The following PADI1 variants were observed in gnomAD, a reference collection of about 807,000 sequenced individuals.
The protein encoded by PADI1 is peptidyl arginine deiminase 1, also known as protein-arginine deiminase type-1.
In PADI1, 65 loss-of-function variants were observed where a neutral mutation model predicts 74.8. The ratio of observed to expected loss-of-function variants is 0.87; its 90% CI spans 0.71 to 1.07. PADI1 has a LOEUF of 1.07. Among genes scored for constraint, PADI1 ranks in the 50% least tolerant of loss-of-function variants. The pLI is 0.00. For synonymous variants in PADI1, 371 were observed against 336.2 expected, an observed-to-expected ratio of 1.10 and a Z score of -1.13; for missense variants, 943 against 854.0, an observed-to-expected ratio of 1.10 and a Z score of -1.30.
intron 9 of PADI1, 38 bp from the exon 10 acceptor site, chr1:17,230,534 A>G (rs767101043): frequency 3.4e-6 from 5 of 1,457,094 alleles, no homozygotes; most frequent in East Asian, 4.6e-5. Flanking sequence ...AACCACCCGA[A>G]AAAGGTCACT....
chr1:17,233,004 A>G (rs571937945), intron 11 of PADI1, 34 bp downstream of exon 11: 79 of 1,560,418 alleles, frequency 5.1e-5, no homozygotes, highest in Non-Finnish European at 7.8e-6. Flanking sequence ...GGGAGGCACA[A>G]GGGAATGACT....
chr1:17,237,307 T>C lies in PADI1; in HGVS notation c.1314-7T>C. ...AGGTGACTGCCCGCCCTCTCCCTCCTGGCCAGGTCCGGTGGGCGGCAGATG... is the reference window on the plus strand; with the variant it reads ...AGGTGACTGCCCGCCCTCTCCCTCCCGGCCAGGTCCGGTGGGCGGCAGATG... On this transcript the variant is annotated splice_region_variant and splice_polypyrimidine_tract_variant and intron_variant, in intron 11 of 15. Coordinates refer to ENST00000375471, the MANE Select transcript of PADI1 (RefSeq NM_013358.3). The C allele has an allele frequency of 6.2e-7, 1 of 1,604,744 alleles. No individual in the cohort carries two copies. The highest frequency in any genetic ancestry group is 8.5e-7 in the Non-Finnish European group (1 of 1,175,214).
intron 1 of PADI1, among the ~76,000 whole-genome samples, chr1:17,211,092 G>A (rs1338469947): frequency 6.6e-6 from 1 of 152,174 alleles, no homozygotes; most frequent in South Asian, 2.1e-4. Flanking sequence ...GAGGTGCCAG[G>A]GTCCTATTAA....
At chr1:17,237,890 G>C (rs1441329365) in intron 12 of PADI1, among the ~76,000 whole-genome samples, 4 of 152,172 alleles carry the variant, frequency 2.6e-5, no homozygotes. Context: ...CGGGTTCTGG[G>C]CCTCTACAGT....
At chr1:17,239,968 C>G in intron 14 of PADI1, 185 bp downstream of exon 14, 1 of 590,086 alleles carries the variant, frequency 1.7e-6, no homozygotes, top group Non-Finnish European at 3.0e-6. Flanking sequence ...AGAGACAGAG[C>G]CATGCCCTCA....
chr1:17,217,998 G>A (rs2072026165), intron 1 of PADI1, among the ~76,000 whole-genome samples: 1 of 152,246 alleles, frequency 6.6e-6, no homozygotes, highest in Non-Finnish European at 1.5e-5. Flanking sequence ...AATGAATGAA[G>A]GGTGACATGC....
At chr1:17,212,251 G>A (rs564079948) in intron 1 of PADI1, among the ~76,000 whole-genome samples, 135 of 152,314 alleles carry the variant, frequency 8.9e-4, no homozygotes, top group African/African-American at 3.0e-3. Flanking sequence ...GACACCTAGC[G>A]GCTGGCACCT....
rs140805381 is a variant in PADI1 at position 17,236,091 on chromosome 1, C to T, written c.1314-1223C>T. ...ACCCAGGTCTCCTTCTACCTGGGCT[C>T]CAAACTCAAATTTAGCACCTCAGGC... On this transcript the variant is annotated intron_variant, in intron 11 of 15. Transcript: ENST00000375471. 1.8e-4 allele frequency among the ~76,000 whole-genome samples: 27 copies of T among 152,270 alleles called. 1 individual carries two copies. The highest frequency in any genetic ancestry group is 3.4e-3 in the Middle Eastern group (1 of 294).
intron 6 of PADI1, among the ~76,000 whole-genome samples, chr1:17,227,562 TAAATA>T (rs1557468467): frequency 3.6e-4 from 54 of 151,516 alleles, no homozygotes; most frequent in African/African-American, 1.2e-3. Context: ...AATAAATAAA[TAAATA>T]AATAAATAAA....
rs930151017 is a variant in PADI1, at chr1:17,228,956, C to T, written c.834C>T (p.Pro278=). ...SVSLVDPGTL[P]EVTLFTDTVG... is the part of the protein sequence containing the mutation. ...CCTCATTTTCCCCTCAGACCCTGCC[C>T]GAGGTGACCCTCTTCACAGACACTG... The change falls in exon 8 of 16, where the codon CCC becomes CCT. Residue 278 remains proline, a synonymous_variant. Transcript: ENST00000375471. The T allele has an allele frequency of 2.9e-5, 47 of 1,597,368 alleles. No homozygotes were observed. The East Asian group carries it at 8.8e-4, about 30-fold the overall frequency.
rs2072291884 is a variant in PADI1 at position 17,225,834 on chromosome 1, G to A, written c.432G>A (p.Glu144=). Reference sequence around the variant, plus strand: ...AGAAAACCTGGCGCTGGGGCCCTGAGGGCTATGGGGCTATCTTGCTGGTGA... The same window carrying A: ...AGAAAACCTGGCGCTGGGGCCCTGAAGGCTATGGGGCTATCTTGCTGGTGA... The part of the protein sequence containing the change: ...GDKKTWRWGP[E]GYGAILLVNC... The change falls in exon 5 of 16, where the codon GAG becomes GAA. Residue 144 remains glutamate, a synonymous_variant. Transcript: ENST00000375471. 1 of 1,614,090 alleles carries A rather than the reference G, an allele frequency of 6.2e-7. No homozygotes were observed. Among genetic ancestry groups the A allele is most frequent in the Non-Finnish European group, 8.5e-7 (1 of 1,179,960 alleles).
chr1:17,241,059 T>C (rs1051295825), intron 15 of PADI1, among the ~76,000 whole-genome samples: 1 of 152,180 alleles, frequency 6.6e-6, no homozygotes, highest in African/African-American at 2.4e-5. Flanking sequence ...ACTTTTTTTT[T>C]TCTCACCCAG....
intron 11 of PADI1, among the ~76,000 whole-genome samples, chr1:17,236,141 T>C (rs2100514584): frequency 6.6e-6 from 1 of 152,294 alleles, no homozygotes; most frequent in Admixed American, 6.5e-5. Context: ...CCTGCCTTGG[T>C]TTCTGACCTT....
At chr1:17,222,216 C>T (rs2072174129) in intron 1 of PADI1, 74 bp from the exon 2 acceptor site, 4 of 1,141,864 alleles carry the variant, frequency 3.5e-6, no homozygotes, top group African/African-American at 3.1e-5. Context: ...GCCCCAAGCC[C>T]CCACCCCACT....
chr1:17,238,784 C>A, intron 13 of PADI1, 75 bp downstream of exon 13: 1 of 656,566 alleles, frequency 1.5e-6, no homozygotes, highest in Non-Finnish European at 2.4e-6. Context: ...GCCCCTGCAC[C>A]TGCAGATCTC....
Position 17,232,939 on chromosome 1 carries a change from G to C in PADI1, c.1282G>C (p.Gly428Arg), listed in dbSNP as rs760587525. The part of the protein sequence containing the change: ...VTVGGTEYPL[G>R]RILIGSSFPK... ...GGTGGGCGGCACGGAATACCCCCTGGGCCGGATCCTCATCGGGAGCAGCTT... is the reference window on the plus strand; with the variant it reads ...GGTGGGCGGCACGGAATACCCCCTGCGCCGGATCCTCATCGGGAGCAGCTT... Residue 428 changes from glycine to arginine, a missense_variant, in exon 11 of 16, where the codon GGC (glycine) becomes CGC (arginine). Gly to Arg is a moderately radical substitution (Grantham distance 125). Transcript: ENST00000375471. The C allele has an allele frequency of 2.5e-6, 4 of 1,610,702 alleles. No individual in the cohort carries two copies. The highest frequency in any genetic ancestry group is 2.7e-5 in the African/African-American group (2 of 74,906).
chr1:17,237,881 G>A (rs1211948025), intron 12 of PADI1, among the ~76,000 whole-genome samples: 1 of 152,234 alleles, frequency 6.6e-6, no homozygotes, highest in South Asian at 2.1e-4. Flanking sequence ...ATTCAAATCC[G>A]GGTTCTGGGC....
intron 1 of PADI1, among the ~76,000 whole-genome samples, chr1:17,217,468 G>A (rs191951800): frequency 4.7e-4 from 72 of 152,248 alleles, no homozygotes; most frequent in African/African-American, 1.6e-3. Context: ...TGTGTTTGTG[G>A]CAATGTACCA....
chr1:17,220,150 C>A (rs1272627605), intron 1 of PADI1, among the ~76,000 whole-genome samples: 2 of 74,054 alleles, frequency 2.7e-5, no homozygotes. Context: ...GTGGGTCTTG[C>A]CAGCAGCCTG....
Sources: allele counts gnomAD v4.1 joint callset (sites outside exome capture counted in the v4.1 genomes callset), GRCh38; gene constraint gnomAD v4.1.1; transcripts MANE v1.5; gene names NCBI Gene and HGNC (gene_info 2026-07-23, HGNC 2026-07-21).